VWF: variants seen among roughly 807,000 people sequenced by gnomAD.
VWF encodes Factor VIII related antigen.
Under a neutral mutation model 308.6 loss-of-function variants are expected in VWF, and 176 were observed. The observed-to-expected ratio is 0.57, with a 90% CI of 0.50 to 0.65. The LOEUF (loss-of-function observed/expected upper bound fraction) is 0.65, where lower values mean the gene tolerates loss of function less well. VWF is among the 30% of genes least tolerant of loss of function. The pLI, the probability that VWF is intolerant of heterozygous loss-of-function variation, is 0.00. For synonymous variants in VWF, 1,385 were observed against 1,443.4 expected (o/e 0.96, Z 0.92); for missense variants, 3,146 against 3,648.2 (o/e 0.86, Z 3.55).
At position 6,030,715 on chromosome 12, in the gene VWF, A is replaced by G. The variant is rs1023169070; in HGVS notation, c.2820+729T>C. 2.6e-5 allele frequency among the ~76,000 whole-genome samples: 4 copies of G among 152,158 alleles called. No individual in the cohort carries two copies. The East Asian group carries it at 7.7e-4, about 29-fold the overall frequency. ...AAGTTCTTAGTACACAGGGGACTGA[A>G]TTAGTTTACTCCTCTTTTGAGCTCC... On this transcript the variant is annotated intron_variant, in intron 21 of 51. Transcript: ENST00000261405.
intron 27 of VWF, chr12:6,021,546 C>T: frequency 3.8e-6 from 1 of 265,722 alleles, no homozygotes. Flanking sequence ...TATATGGACA[C>T]CTGTGCTCAG....
At chr12:6,014,605 G>A (rs1038038441) in intron 31 of VWF, among the ~76,000 whole-genome samples, 1 of 152,180 alleles carries the variant, frequency 6.6e-6, no homozygotes, top group Non-Finnish European at 1.5e-5. Context: ...CTGAACAACT[G>A]GAAGGTTGGA....
At chr12:6,036,515 C>T (rs372652024) in intron 18 of VWF, 24 bp from the exon 19 acceptor site, 1 of 1,608,768 alleles carries the variant, frequency 6.2e-7, no homozygotes, top group Non-Finnish European at 8.5e-7. Context: ...ATCCAAAAGT[C>T]CTCAGGGCCA....
intron 43 of VWF, among the ~76,000 whole-genome samples, chr12:5,975,902 G>C (rs1943527274): frequency 6.6e-6 from 1 of 152,114 alleles, no homozygotes; most frequent in South Asian, 2.1e-4. Flanking sequence ...TTGAACCAGA[G>C]GTCACTAAAG....
intron 34 of VWF, among the ~76,000 whole-genome samples, chr12:6,007,564 C>T (rs1232326411): frequency 3.9e-5 from 6 of 151,980 alleles, no homozygotes; most frequent in African/African-American, 1.2e-4. Flanking sequence ...TTATGGGAAA[C>T]AGCAAAAGCA....
In VWF at chr12:6,110,518, ACAGCTTGTAGTACC is replaced by A. The variant is rs63749066; in HGVS notation, c.374_387del (p.Gly125ValfsTer3). 1 of 1,614,192 alleles carries A rather than the reference ACAGCTTGTAGTACC, an allele frequency of 6.2e-7. No individual in the cohort carries two copies. Among genetic ancestry groups the A allele is most frequent in the Non-Finnish European group, 8.5e-7 (1 of 1,180,028 alleles). On this transcript the variant is annotated frameshift_variant, in exon 5 of 52. Coordinates refer to ENST00000261405, the MANE Select transcript of VWF (RefSeq NM_000552.5). LOFTEE classifies it high-confidence loss of function. Reference sequence around the variant, plus strand: ...GCCACAAAGCCATAGGCCTCACCGGACAGCTTGTAGTACCCAGCCTCAGTTTCTAGATACAGCCC... The same window carrying A: ...GCCACAAAGCCATAGGCCTCACCGGACAGCCTCAGTTTCTAGATACAGCCC...
rs948618280 is a variant in VWF at position 6,075,104 on chromosome 12, T to A, written c.874+231A>T. Among the ~76,000 whole-genome samples the A allele has an allele frequency of 9.9e-5, 1 of 10,098 alleles. No homozygotes were observed. Among genetic ancestry groups the A allele is most frequent in the Non-Finnish European group, 2.0e-4 (1 of 5,002 alleles). The allele number at this position is 10,098 out of a possible 152,430, so 6.6% of individuals were successfully genotyped here. A position where few individuals can be genotyped will look rare whatever the true frequency, so the allele number is the denominator to read the frequency against. On this transcript the variant is annotated intron_variant, in intron 7 of 51. Coordinates refer to ENST00000261405, the MANE Select transcript of VWF (RefSeq NM_000552.5). The surrounding 1 kb of genome is among the most constrained non-coding windows in gnomAD (Gnocchi z 4.7). Reference sequence around the variant, plus strand: ...AAGTCAGGGGGCGCCAGGGGAGGCGTGGGGGCGGGACGGAGGCAGGGGCAG... The same window carrying A: ...AAGTCAGGGGGCGCCAGGGGAGGCGAGGGGGCGGGACGGAGGCAGGGGCAG...
chr12:6,028,517 G>A (rs907884486), intron 22 of VWF, among the ~76,000 whole-genome samples: 3 of 152,208 alleles, frequency 2.0e-5, no homozygotes, highest in Admixed American at 2.0e-4. Flanking sequence ...GAGAAATGTC[G>A]AGTTACTCAC....
At chr12:5,967,114 G>T (rs1943412159) in intron 47 of VWF, among the ~76,000 whole-genome samples, 1 of 152,192 alleles carries the variant, frequency 6.6e-6, no homozygotes, top group African/African-American at 2.4e-5. Flanking sequence ...GTAGAGCCTT[G>T]CACATAGGAG....
chr12:6,005,582 T>G (rs1197163737), intron 34 of VWF, among the ~76,000 whole-genome samples: 2 of 152,124 alleles, frequency 1.3e-5, no homozygotes, highest in Non-Finnish European at 2.9e-5. Context: ...AATCAATTTG[T>G]CAAAAGTCAA....
At chr12:6,005,343 A>T (rs1362921036) in intron 34 of VWF, among the ~76,000 whole-genome samples, 1 of 152,242 alleles carries the variant, frequency 6.6e-6, no homozygotes, top group African/African-American at 2.4e-5. Flanking sequence ...TATTATTCTT[A>T]TCTCACACCA....
rs1357128911 is a variant in VWF, at chr12:6,016,666, A to G, written c.5171-10T>C. The G allele has an allele frequency of 6.2e-7, 1 of 1,614,066 alleles. No homozygotes were observed. The highest frequency in any genetic ancestry group is 1.3e-5 in the African/African-American group (1 of 75,064). Reference sequence around the variant, plus strand: ...TGAGTGAGACGAGGCCCTAAACGGAACGAGAAAATGCGGATTATTTTGAAT... The same window carrying G: ...TGAGTGAGACGAGGCCCTAAACGGAGCGAGAAAATGCGGATTATTTTGAAT... On this transcript the variant is annotated splice_polypyrimidine_tract_variant and intron_variant, in intron 29 of 51. Transcript: ENST00000261405.
chr12:5,965,358 T>C (rs150177771), intron 47 of VWF, among the ~76,000 whole-genome samples: 197 of 152,212 alleles, frequency 1.3e-3, no homozygotes, highest in African/African-American at 4.6e-3. Flanking sequence ...TCTCCCCGTG[T>C]TTCCCTTTTC....
chr12:5,989,421 C>T (rs1943713166), intron 38 of VWF, among the ~76,000 whole-genome samples: 1 of 152,012 alleles, frequency 6.6e-6, no homozygotes, highest in Non-Finnish European at 1.5e-5. Context: ...TCTTTCTCTG[C>T]TTTGAAAGTC....
chr12:5,995,628 T>C (rs1042549403), intron 35 of VWF, among the ~76,000 whole-genome samples: 1 of 152,218 alleles, frequency 6.6e-6, no homozygotes, highest in Non-Finnish European at 1.5e-5. Flanking sequence ...TCAAAAGACC[T>C]AATTTAGGCC....
Position 6,065,132 on chromosome 12 carries a change from C to T in VWF, c.1293+5G>A, listed in dbSNP as rs1451777645. 1 of 1,614,086 alleles carries T rather than the reference C, an allele frequency of 6.2e-7. No individual in the cohort carries two copies. Among genetic ancestry groups the T allele is most frequent in the Non-Finnish European group, 8.5e-7 (1 of 1,180,058 alleles). On this transcript the variant is annotated splice_donor_5th_base_variant and intron_variant, in intron 11 of 51. Coordinates refer to ENST00000261405, the MANE Select transcript of VWF (RefSeq NM_000552.5). ...CCGACCAGCAGCCGGGCTGGCAAAGCTCACCTGGACAGTCTCAATGACAAT... is the reference window on the plus strand; with the variant it reads ...CCGACCAGCAGCCGGGCTGGCAAAGTTCACCTGGACAGTCTCAATGACAAT...
chr12:6,092,616 A>AGTGAGAGAGTGTGTGTGTGT lies in VWF; in HGVS notation c.657+2843_657+2844insACACACACACACTCTCTCAC, dbSNP rs796249343. Among the ~76,000 whole-genome samples, 3 of 96,622 alleles carry AGTGAGAGAGTGTGTGTGTGT rather than the reference A, an allele frequency of 3.1e-5. 1 individual carries two copies. The highest frequency in any genetic ancestry group is 1.6e-4 in the African/African-American group (3 of 18,556). 63.4% of individuals were successfully genotyped at this position (96,622 alleles called of 152,430 possible). A position where few individuals can be genotyped will look rare whatever the true frequency, so the allele number is the denominator to read the frequency against. On this transcript the variant is annotated intron_variant, in intron 6 of 51. Transcript: ENST00000261405. ...TGCCCAGCTAGTTAGTGAGTGAGTG[A>AGTGAGAGAGTGTGTGTGTGT]GAGTGTGTGTGTGTGTGTGTGTGTG... is the stretch of plus-strand genomic sequence containing the variant.
Position 5,976,219 on chromosome 12 carries a change from G to A in VWF, c.7329C>T (p.Phe2443=), listed in dbSNP as rs142444263. The A allele has an allele frequency of 8.1e-6, 13 of 1,614,002 alleles. No homozygotes were observed. In the Admixed American group the frequency reaches 1.2e-4, roughly 14 times the overall value. Residue 2443 remains phenylalanine, a synonymous_variant, in exon 43 of 52, where the codon TTC becomes TTT. Coordinates refer to ENST00000261405, the MANE Select transcript of VWF (RefSeq NM_000552.5). ...HRSTIYPVGQ[F]WEEGCDVCTC... ...TGCACACATCGCAGCCCTCCTCCCA[G>A]AACTGGCCCACAGGGTAGATGGTGC...
chr12:6,103,532 A>G (rs926008595), intron 5 of VWF, among the ~76,000 whole-genome samples: 1 of 124,856 alleles, frequency 8.0e-6, no homozygotes, highest in Non-Finnish European at 1.7e-5. Context: ...ATGTGTATAT[A>G]CACATATATG....
Sources: gnomAD v4.1 joint callset for allele counts (sites outside exome capture counted in the v4.1 genomes callset) on GRCh38, gnomAD v4.1.1 for gene constraint, Gnocchi (gnomAD v3.1) non-coding constraint, MANE v1.5 for transcripts, NCBI Gene and HGNC (gene_info 2026-07-23, HGNC 2026-07-21) for gene names.